Variants in HDAC4 observed in about 807,000 individuals in gnomAD.
HDAC4 encodes the protein histone deacetylase A.
Under a neutral mutation model 135.1 loss-of-function variants are expected in HDAC4, and 16 were observed. The ratio of observed to expected loss-of-function variants is 0.12; its 90% CI spans 0.08 to 0.18. HDAC4 has a LOEUF of 0.18. HDAC4 is among the 10% of genes least tolerant of loss of function. The probability of loss-of-function intolerance (pLI) is 1.00; values close to 1 mark genes in which losing one functional copy is unlikely to be tolerated. For synonymous variants in HDAC4, 685 were observed against 653.4 expected (o/e 1.05, Z -0.74); for missense variants, 1,143 against 1,511.8 (o/e 0.76, Z 4.05).
chr2:239,157,514 G>A (rs2042503339), intron 6 of HDAC4, among the ~76,000 whole-genome samples: 1 of 152,234 alleles, frequency 6.6e-6, no homozygotes, highest in Admixed American at 6.5e-5. Flanking sequence ...GACATGGGGA[G>A]GAGGCGGGCC....
chr2:239,055,291 T>C lies in HDAC4; in HGVS notation c.3004-458A>G, dbSNP rs147194935. On this transcript the variant is annotated intron_variant, in intron 24 of 26. Transcript: ENST00000543185. The stretch of plus-strand genomic sequence containing the variant: ...GTCGGGGGAGATGAAATGGAAGAAG[T>C]AGTCAGATCTCTCAGAGGGAATCCT... 565 of 238,042 alleles carry C rather than the reference T, an allele frequency of 2.4e-3. 1 individual carries two copies. Among genetic ancestry groups the C allele is most frequent in the African/African-American group, 0.012 (535 of 43,146 alleles). The allele number at this position is 238,042 out of a possible 1,614,324, so 14.7% of individuals were successfully genotyped here.
At chr2:239,292,343 T>C (rs2051572350) in intron 2 of HDAC4, among the ~76,000 whole-genome samples, 1 of 152,208 alleles carries the variant, frequency 6.6e-6, no homozygotes, top group African/African-American at 2.4e-5. Context: ...CGTTCGAGGA[T>C]AAACCCCTTT....
intron 22 of HDAC4, among the ~76,000 whole-genome samples, chr2:239,076,353 C>T (rs2152659622): frequency 6.6e-6 from 1 of 152,364 alleles, no homozygotes; most frequent in Non-Finnish European, 1.5e-5. Context: ...TGTCACGGGG[C>T]ACGTCTAGCT....
chr2:239,243,209 G>A (rs184079045), intron 2 of HDAC4, among the ~76,000 whole-genome samples: 31 of 150,710 alleles, frequency 2.1e-4, no homozygotes, highest in African/African-American at 7.3e-4. Flanking sequence ...CTGGACTGCA[G>A]TGGCTGGATC....
At chr2:239,249,787 AAAAC>A (rs202215100) in intron 2 of HDAC4, among the ~76,000 whole-genome samples, 3,268 of 152,132 alleles carry the variant, frequency 0.021, 119 homozygotes, top group African/African-American at 0.075. Flanking sequence ...AGAAAAAAAA[AAAAC>A]AAGGAGCTGA....
At chr2:239,391,829 G>A (rs1014848528) in intron 1 of HDAC4, among the ~76,000 whole-genome samples, 1 of 152,186 alleles carries the variant, frequency 6.6e-6, no homozygotes, top group Non-Finnish European at 1.5e-5. Flanking sequence ...AAGAGAAGAG[G>A]CCCTCCGCAG....
intron 16 of HDAC4, among the ~76,000 whole-genome samples, chr2:239,102,045 T>C (rs1209820613): frequency 2.8e-5 from 3 of 108,112 alleles, no homozygotes; most frequent in Admixed American, 1.1e-4. Flanking sequence ...TTCTGTGCCC[T>C]GGAAGCCCCC....
At chr2:239,390,542 GGACTCT>G (rs1012102398) in intron 1 of HDAC4, among the ~76,000 whole-genome samples, 2 of 151,996 alleles carry the variant, frequency 1.3e-5, no homozygotes, top group African/African-American at 2.4e-5. Flanking sequence ...CAACAAAGCA[GGACTCT>G]GTCTCAAAAG....
At chr2:239,180,538 C>T (rs1403946539) in intron 4 of HDAC4, among the ~76,000 whole-genome samples, 1 of 152,150 alleles carries the variant, frequency 6.6e-6, no homozygotes, top group Non-Finnish European at 1.5e-5. Context: ...ATTGTGTCCA[C>T]GATGTTAAAC....
chr2:239,107,136 C>T (rs2038217253), intron 15 of HDAC4, among the ~76,000 whole-genome samples: 1 of 152,232 alleles, frequency 6.6e-6, no homozygotes, highest in African/African-American at 2.4e-5. Context: ...TGGCCACACC[C>T]TCCTCCCTGT....
chr2:239,185,910 G>A (rs1031989463), intron 4 of HDAC4, among the ~76,000 whole-genome samples: 1 of 152,048 alleles, frequency 6.6e-6, no homozygotes, highest in Admixed American at 6.6e-5. Flanking sequence ...GGTGCATGCT[G>A]GTAATCCCAG....
At chr2:239,064,019 G>A (rs1479425507) in intron 24 of HDAC4, among the ~76,000 whole-genome samples, 2 of 152,200 alleles carry the variant, frequency 1.3e-5, no homozygotes, top group Admixed American at 6.5e-5. Context: ...CCTCACCCAC[G>A]GCCCTTAGAT....
intron 3 of HDAC4, among the ~76,000 whole-genome samples, chr2:239,195,494 A>G (rs540562105): frequency 6.6e-6 from 1 of 152,364 alleles, no homozygotes; most frequent in East Asian, 1.9e-4. Context: ...CCCACACACC[A>G]GCTGCAGAGA....
chr2:239,271,360 A>G lies in HDAC4; in HGVS notation c.23-34696T>C, dbSNP rs147168713. 2.2e-3 allele frequency among the ~76,000 whole-genome samples: 329 copies of G among 152,326 alleles called. 2 individuals are homozygous for G. Among genetic ancestry groups the G allele is most frequent in the African/African-American group, 7.7e-3 (322 of 41,578 alleles). On this transcript the variant is annotated intron_variant, in intron 2 of 26. Coordinates refer to ENST00000543185, the MANE Select transcript of HDAC4 (RefSeq NM_001378414.1). ...AGACTGGTCTTGAACTTCTGAGCTCAAGCAATCCATTCACCTTGGTCTCCC... is the reference window on the plus strand; with the variant it reads ...AGACTGGTCTTGAACTTCTGAGCTCGAGCAATCCATTCACCTTGGTCTCCC...
Position 239,151,720 on chromosome 2 carries a change from G to A in HDAC4, c.733+4932C>T, listed in dbSNP as rs2042131166. Among the ~76,000 whole-genome samples the A allele has an allele frequency of 3.3e-5, 5 of 152,188 alleles. 1 individual carries two copies. Among genetic ancestry groups the A allele is most frequent in the Admixed American group, 3.3e-4 (5 of 15,288 alleles). On this transcript the variant is annotated intron_variant, in intron 7 of 26. Transcript: ENST00000543185. ...CTACCAGGCAGGCTAGAGAATGCCG[G>A]AACAAGGCTGAAGTTACCAACTTCT...
chr2:239,184,420 G>C (rs1433019792), intron 4 of HDAC4, among the ~76,000 whole-genome samples: 1 of 146,198 alleles, frequency 6.8e-6, no homozygotes, highest in Non-Finnish European at 1.5e-5. Context: ...CCCTATGGGG[G>C]GGTCCCTCAG....
At chr2:239,137,014 T>G (rs1403652584) in intron 9 of HDAC4, among the ~76,000 whole-genome samples, 1 of 150,902 alleles carries the variant, frequency 6.6e-6, no homozygotes, top group African/African-American at 2.5e-5. Context: ...ATCAGTAAGT[T>G]ATGCTGTAGA....
At chr2:239,112,051 G>C (rs1278871901) in intron 13 of HDAC4, among the ~76,000 whole-genome samples, 2 of 152,202 alleles carry the variant, frequency 1.3e-5, no homozygotes, top group African/African-American at 4.8e-5. Context: ...CCCAGTATGG[G>C]GTATCAAGGA....
At chr2:239,143,746 A>G (rs2041564446) in intron 8 of HDAC4, among the ~76,000 whole-genome samples, 1 of 152,210 alleles carries the variant, frequency 6.6e-6, no homozygotes, top group Non-Finnish European at 1.5e-5. Flanking sequence ...TGGCACCAGG[A>G]GCCCCTCCCC....
Sources: gnomAD v4.1 joint callset for allele counts (sites outside exome capture counted in the v4.1 genomes callset) on GRCh38, gnomAD v4.1.1 for gene constraint, MANE v1.5 for transcripts, NCBI Gene and HGNC (gene_info 2026-07-23, HGNC 2026-07-21) for gene names.